The following ZNF541 variants were observed in gnomAD, a reference collection of about 807,000 sequenced individuals.
The protein encoded by ZNF541 is zinc finger protein 541.
ZNF541 carries 23 observed loss-of-function variants against 123.5 expected under a neutral mutation model. That is an observed-to-expected ratio of 0.19 (90% CI 0.13 to 0.26). The LOEUF (loss-of-function observed/expected upper bound fraction) is 0.26, where lower values mean the gene tolerates loss of function less well. Among genes scored for constraint, ZNF541 ranks in the 10% least tolerant of loss-of-function variants. ZNF541 has a pLI of 1.00. For missense variants in ZNF541, 1,612 were observed against 1,789.9 expected, an observed-to-expected ratio of 0.90 and a Z score of 1.79; for synonymous variants, 751 against 754.5, an observed-to-expected ratio of 1.00 and a Z score of 0.08.
rs535118056 is a variant in ZNF541 at position 47,538,313 on chromosome 19, G to A, written c.2923C>T (p.Arg975Trp). Residue 975 changes from arginine (R) to tryptophan (W), a missense_variant, in exon 9 of 17, where the codon CGG (arginine) becomes TGG (tryptophan). Physicochemically the swap from Arg to Trp is moderately radical, Grantham distance 101. This residue lies in a region of ZNF541 where 285 missense variants were observed against 407.3 expected (regional missense o/e 0.70). Transcript: ENST00000391901. ...CAGTCCACCAGGAACATGGGTGACCGCAGGCGGCTCTGGTGGCATCCTGCA... is the reference window on the plus strand; with the variant it reads ...CAGTCCACCAGGAACATGGGTGACCACAGGCGGCTCTGGTGGCATCCTGCA... ...GPAGCHQSRL[R>W]SPMFLVDCLL... is the part of the protein sequence containing the mutation. 8.7e-5 allele frequency: 135 copies of A among 1,545,322 alleles called. No homozygotes were observed. The East Asian group carries it at 2.4e-3, about 27-fold the overall frequency.
rs1568499679 is a variant in ZNF541, at chr19:47,544,633, G to A, written c.1896C>T (p.Pro632=). The change falls in exon 5 of 17, where the codon CCC becomes CCT. Residue 632 remains proline, a synonymous_variant. Coordinates refer to ENST00000391901, the MANE Select transcript of ZNF541 (RefSeq NM_001277075.3). ...GSPARRRKTT[P]GVPREASPGS... ...CGGGGGAGGCCTCTCTGGGAACCCCGGGTGTGGTTTTTCTCCTGCGGGCTG... is the reference window on the plus strand; with the variant it reads ...CGGGGGAGGCCTCTCTGGGAACCCCAGGTGTGGTTTTTCTCCTGCGGGCTG... The A allele has an allele frequency of 1.3e-6, 2 of 1,549,352 alleles. No homozygotes were observed. The highest frequency in any genetic ancestry group is 2.4e-5 in the East Asian group (1 of 40,904).
Position 47,544,518 on chromosome 19 carries a change from G to T in ZNF541, c.2011C>A (p.Pro671Thr). 1.3e-6 allele frequency: 2 copies of T among 1,551,658 alleles called. No individual in the cohort carries two copies. The highest frequency in any genetic ancestry group is 1.7e-6 in the Non-Finnish European group (2 of 1,147,002). The change falls in exon 5 of 17, where the codon CCA becomes ACA. Residue 671 changes from proline to threonine, a missense_variant. Transcript: ENST00000391901. ...AAPSLDPSRN[P>T]DISSLAKQLR... ...TGCTTGGCCAGAGAAGAGATGTCTG[G>T]ATTCCTGGAAGGGTCCAGAGACGGT... is the stretch of plus-strand genomic sequence containing the variant.
At position 47,545,007 on chromosome 19, in the gene ZNF541, A is replaced by G. The variant is rs1349621444; in HGVS notation, c.1522T>C (p.Cys508Arg). 1.3e-6 allele frequency: 2 copies of G among 1,519,436 alleles called. No homozygotes were observed. The highest frequency in any genetic ancestry group is 1.4e-5 in the African/African-American group (1 of 72,502). The allele number at this position is 1,519,436 out of a possible 1,614,324, so 94.1% of individuals were successfully genotyped here. The part of the protein sequence containing the change: ...PCAPKKVKVD[C>R]DSFLCQNPGE... ...GGGTTCTGGCACAGGAAGGAGTCGC[A>G]GTCGACCTTGACCTTCTTGGGGGCG... The change falls in exon 5 of 17, where the codon TGC becomes CGC. Residue 508 changes from cysteine to arginine, a missense_variant. This residue lies in a region of ZNF541 where 1,080 missense variants were observed against 1,013.8 expected (regional missense o/e 1.07). Transcript: ENST00000391901. The surrounding 1 kb of genome is among the most constrained non-coding windows in gnomAD (Gnocchi z 7.5).
At chr19:47,549,594 C>G in intron 3 of ZNF541, 109 bp from the exon 4 acceptor site, 1 of 1,450,550 alleles carries the variant, frequency 6.9e-7, no homozygotes, top group East Asian at 2.5e-5. Flanking sequence ...GTAAGTGTTG[C>G]GCGAGAACTC....
chr19:47,523,488 T>A (rs1171357173), intron 14 of ZNF541, among the ~76,000 whole-genome samples: 1 of 149,968 alleles, frequency 6.7e-6, no homozygotes, highest in Non-Finnish European at 1.5e-5. Context: ...AAACGAGGAG[T>A]CAAAACAGCA....
At position 47,555,803 on chromosome 19, in the gene ZNF541, G is replaced by C. The variant is rs761067188; in HGVS notation, c.54C>G (p.Leu18=). The part of the protein sequence containing the change: ...DEGALPSEMH[L]PSFSESQGLN... ...GCCCTTGGCTCTCTGAAAATGAAGG[G>C]AGGTGCATTTCTGATGGGAGGGCAC... The change falls in exon 3 of 17, where the codon CTC becomes CTG. Residue 18 remains leucine (L), a synonymous_variant. Coordinates refer to ENST00000391901, the MANE Select transcript of ZNF541 (RefSeq NM_001277075.3). 8 of 1,551,530 alleles carry C rather than the reference G, an allele frequency of 5.2e-6. No individual in the cohort carries two copies. The South Asian group carries it at 8.3e-5, about 16-fold the overall frequency.
chr19:47,555,213 C>T (rs1970766158), intron 3 of ZNF541, among the ~76,000 whole-genome samples: 1 of 145,374 alleles, frequency 6.9e-6, no homozygotes, highest in South Asian at 2.2e-4. Context: ...ACTAAAAATA[C>T]AAAAAAATTA....
At position 47,545,027 on chromosome 19, in the gene ZNF541, G is replaced by A. The variant is rs749577274; in HGVS notation, c.1502C>T (p.Pro501Leu). ...GTCGCAGTCGACCTTGACCTTCTTG[G>A]GGGCGCAGGGGTCATCTTCCCCGCT... ...SASGEDDPCA[P>L]KKVKVDCDSF... Residue 501 changes from proline (P) to leucine (L), a missense_variant, in exon 5 of 17, where the codon CCC becomes CTC. Physicochemically the swap from Pro to Leu is moderately conservative, Grantham distance 98. This residue lies in a region of ZNF541 where 1,080 missense variants were observed against 1,013.8 expected (regional missense o/e 1.07). Coordinates refer to ENST00000391901, the MANE Select transcript of ZNF541 (RefSeq NM_001277075.3). This position sits in a 1 kb window ranked among gnomAD's most constrained non-coding sequence, Gnocchi z 7.5. 1 of 1,491,710 alleles carries A rather than the reference G, an allele frequency of 6.7e-7. No individual in the cohort carries two copies. Among genetic ancestry groups the A allele is most frequent in the African/African-American group, 1.4e-5 (1 of 71,278 alleles). The allele number at this position is 1,491,710 out of a possible 1,614,324, so 92.4% of individuals were successfully genotyped here.
At chr19:47,556,062 C>A (rs1970809696) in intron 2 of ZNF541, among the ~76,000 whole-genome samples, 108 bp from the exon 3 acceptor site, 1 of 152,178 alleles carries the variant, frequency 6.6e-6, no homozygotes. Flanking sequence ...TGTTCTCTGC[C>A]TCATAACAGC....
intron 3 of ZNF541, among the ~76,000 whole-genome samples, chr19:47,553,427 TGAGACG>T (rs1970690495): frequency 6.8e-6 from 1 of 146,394 alleles, no homozygotes; most frequent in African/African-American, 2.5e-5. Flanking sequence ...TTTTTTTTTT[TGAGACG>T]GAGTCTTGCT....
intron 3 of ZNF541, 112 bp downstream of exon 3, chr19:47,555,438 A>T: frequency 9.8e-7 from 1 of 1,024,792 alleles, no homozygotes; most frequent in South Asian, 1.9e-5. Flanking sequence ...TCCCTAAGTC[A>T]CCTGTAGGAG....
chr19:47,561,934 C>T (rs1004428933), intron 2 of ZNF541, among the ~76,000 whole-genome samples: 10 of 152,220 alleles, frequency 6.6e-5, no homozygotes, highest in African/African-American at 2.4e-4. Context: ...CCCAGAGTTA[C>T]CAGACTGCAA....
chr19:47,537,826 G>C lies in ZNF541; in HGVS notation c.3094+316C>G, dbSNP rs1404333825. On this transcript the variant is annotated intron_variant, in intron 9 of 16. Coordinates refer to ENST00000391901, the MANE Select transcript of ZNF541 (RefSeq NM_001277075.3). ...GGAGATCGAGGCTGCAGTGAGCTGT[G>C]ATCAAGCCACTGCACTCCAGCCTGG... 3.3e-5 allele frequency among the ~76,000 whole-genome samples: 5 copies of C among 152,112 alleles called. No homozygotes were observed. In the East Asian group the frequency reaches 9.6e-4, roughly 29 times the overall value.
At chr19:47,523,814 G>A (rs759875045) in intron 14 of ZNF541, among the ~76,000 whole-genome samples, 6 of 152,132 alleles carry the variant, frequency 3.9e-5, no homozygotes, top group South Asian at 2.1e-4. Context: ...AGACCACGGC[G>A]GTAGAGCCCA....
intron 2 of ZNF541, among the ~76,000 whole-genome samples, chr19:47,569,570 G>A (rs1010029519): frequency 6.6e-6 from 1 of 152,012 alleles, no homozygotes; most frequent in Admixed American, 6.6e-5. Flanking sequence ...GAACAATCAA[G>A]AAAGACTTCC....
chr19:47,569,854 G>A (rs1971410988), intron 2 of ZNF541, among the ~76,000 whole-genome samples: 1 of 149,156 alleles, frequency 6.7e-6, no homozygotes, highest in Non-Finnish European at 1.5e-5. Context: ...ACTCCAGCCT[G>A]GGCAAACAGC....
intron 2 of ZNF541, among the ~76,000 whole-genome samples, chr19:47,566,616 C>A (rs1756408204): frequency 6.6e-6 from 1 of 151,878 alleles, no homozygotes; most frequent in South Asian, 2.1e-4. Context: ...CATAGTGGCA[C>A]TCACCTGTAG....
At chr19:47,524,198 T>C (rs1171829958) in intron 14 of ZNF541, among the ~76,000 whole-genome samples, 1 of 152,130 alleles carries the variant, frequency 6.6e-6, no homozygotes, top group African/African-American at 2.4e-5. Context: ...CTCAAGAATA[T>C]TTACAAGGCT....
At chr19:47,570,983 A>C (rs1807085640) in intron 2 of ZNF541, among the ~76,000 whole-genome samples, 1 of 151,966 alleles carries the variant, frequency 6.6e-6, no homozygotes, top group South Asian at 2.1e-4. Context: ...GAGAACTACT[A>C]TTCCAATAAG....
Sources: gnomAD v4.1 joint callset for allele counts (sites outside exome capture counted in the v4.1 genomes callset) on GRCh38, gnomAD v4.1.1 for gene constraint, gnomAD v4.1.1 regional missense constraint, Gnocchi (gnomAD v3.1) non-coding constraint, MANE v1.5 for transcripts, NCBI Gene and HGNC (gene_info 2026-07-23, HGNC 2026-07-21) for gene names.